DLGAP1: variants seen among roughly 807,000 people sequenced by gnomAD.
DLGAP1 encodes the protein DLG associated protein 1, also known as disks large-associated protein 1.
In DLGAP1, 11 loss-of-function variants were observed where a neutral mutation model predicts 90.8. That is an observed-to-expected ratio of 0.12 (90% CI 0.08 to 0.20). The LOEUF (loss-of-function observed/expected upper bound fraction) is 0.20. DLGAP1 is among the 10% of genes least tolerant of loss of function. The pLI, the probability that DLGAP1 is intolerant of heterozygous loss-of-function variation, is 1.00. For missense variants in DLGAP1, 1,050 were observed against 1,333.8 expected (o/e 0.79, Z 3.31); for synonymous variants, 558 against 540.7 (o/e 1.03, Z -0.44).
Position 3,497,486 on chromosome 18 carries a change from C to T in DLGAP1, c.*1699G>A, listed in dbSNP as rs1194341534. ...ATTCTCTAGTGGTTTTAGAATATGT[C>T]CGTGAAAATATCTGTTGCTAGAACC... On this transcript the variant is annotated 3_prime_UTR_variant, in exon 13 of 13. Transcript: ENST00000315677. 6.6e-6 allele frequency: 1 copy of T among 152,108 alleles called. No homozygotes were observed. Among genetic ancestry groups the T allele is most frequent in the Admixed American group, 6.5e-5 (1 of 15,270 alleles). The allele number at this position is 152,108 out of a possible 1,614,324, so 9.4% of individuals were successfully genotyped here. A position where few individuals can be genotyped will look rare whatever the true frequency, so the allele number is the denominator to read the frequency against.
intron 1 of DLGAP1, among the ~76,000 whole-genome samples, chr18:4,269,354 A>ATTTT (rs202021108): frequency 0.015 from 2,008 of 132,054 alleles, 36 homozygotes; most frequent in East Asian, 0.074. Context: ...ATATATATAT[A>ATTTT]TTTTTTTTTT....
intron 1 of DLGAP1, among the ~76,000 whole-genome samples, chr18:4,409,711 T>A (rs1179890153): frequency 1.3e-5 from 2 of 152,192 alleles, no homozygotes; most frequent in Non-Finnish European, 2.9e-5. Context: ...GATTTGTATA[T>A]CTTCTTTTGG....
chr18:3,923,920 G>C (rs560247349), intron 3 of DLGAP1, among the ~76,000 whole-genome samples: 1 of 152,280 alleles, frequency 6.6e-6, no homozygotes, highest in East Asian at 1.9e-4. Context: ...GATGGTGCTG[G>C]TGTTGAGTCA....
At chr18:3,922,986 T>G (rs2072298392) in intron 3 of DLGAP1, among the ~76,000 whole-genome samples, 1 of 151,830 alleles carries the variant, frequency 6.6e-6, no homozygotes. Context: ...ATATAAAAAT[T>G]AGCTGGGCGT....
intron 2 of DLGAP1, among the ~76,000 whole-genome samples, chr18:4,147,218 C>A (rs946827343): frequency 6.6e-5 from 10 of 152,188 alleles, no homozygotes; most frequent in African/African-American, 2.2e-4. Flanking sequence ...ATGTGATTTG[C>A]TGGTTTCACA....
intron 4 of DLGAP1, among the ~76,000 whole-genome samples, chr18:3,862,560 A>G (rs1339481348): frequency 6.6e-6 from 1 of 152,140 alleles, no homozygotes; most frequent in Non-Finnish European, 1.5e-5. Flanking sequence ...CGTGGAGGGG[A>G]CAGCGCCAGG....
At chr18:3,824,779 T>C (rs1186722253) in intron 4 of DLGAP1, among the ~76,000 whole-genome samples, 1 of 152,220 alleles carries the variant, frequency 6.6e-6, no homozygotes. Flanking sequence ...TTGGACTTTT[T>C]ATTCCAAGCT....
chr18:3,813,255 T>C (rs1161917087), intron 5 of DLGAP1, among the ~76,000 whole-genome samples: 1 of 152,230 alleles, frequency 6.6e-6, no homozygotes, highest in Non-Finnish European at 1.5e-5. Context: ...TTGGATATAT[T>C]TACATAAACA....
At chr18:4,047,657 A>T (rs2075073688) in intron 2 of DLGAP1, among the ~76,000 whole-genome samples, 1 of 152,216 alleles carries the variant, frequency 6.6e-6, no homozygotes, top group Non-Finnish European at 1.5e-5. Context: ...CTCAAGACAC[A>T]TATTATCTTT....
chr18:4,149,910 A>G (rs1328486353), intron 2 of DLGAP1, among the ~76,000 whole-genome samples: 2 of 152,148 alleles, frequency 1.3e-5, no homozygotes, highest in East Asian at 3.9e-4. Flanking sequence ...CTACCCATGC[A>G]TGGCTGGCAC....
intron 5 of DLGAP1, among the ~76,000 whole-genome samples, chr18:3,791,293 C>T (rs1484188670): frequency 1.3e-5 from 2 of 152,174 alleles, no homozygotes; most frequent in Non-Finnish European, 1.5e-5. Context: ...CTTAATATAG[C>T]GTAGCAGTAC....
chr18:4,366,711 A>C (rs1193635287), intron 1 of DLGAP1, among the ~76,000 whole-genome samples: 1 of 152,018 alleles, frequency 6.6e-6, no homozygotes, highest in Non-Finnish European at 1.5e-5. Context: ...CCATGGAAAA[A>C]AAAAAATCTC....
chr18:4,432,612 GT>G (rs2083312946), intron 1 of DLGAP1, among the ~76,000 whole-genome samples: 1 of 151,946 alleles, frequency 6.6e-6, no homozygotes, highest in African/African-American at 2.4e-5. Flanking sequence ...GTGTGTGTGT[GT>G]GTGTGTGTGT....
intron 5 of DLGAP1, among the ~76,000 whole-genome samples, chr18:3,759,524 T>G (rs2063863995): frequency 6.6e-6 from 1 of 152,220 alleles, no homozygotes; most frequent in Non-Finnish European, 1.5e-5. Flanking sequence ...TAGACTCTTG[T>G]GGCACTTGGA....
chr18:3,693,256 T>A (rs1348801918), intron 7 of DLGAP1, among the ~76,000 whole-genome samples: 5 of 144,564 alleles, frequency 3.5e-5, no homozygotes, highest in East Asian at 4.0e-4. Context: ...CTTATTTAAA[T>A]TTTTTTTTTT....
chr18:4,365,965 T>C (rs574713684), intron 1 of DLGAP1, among the ~76,000 whole-genome samples: 1 of 152,134 alleles, frequency 6.6e-6, no homozygotes, highest in South Asian at 2.1e-4. Flanking sequence ...GTCTCACCTC[T>C]TTAGCAAGAT....
chr18:3,653,874 A>G lies in DLGAP1; in HGVS notation c.1592-71626T>C, dbSNP rs117841850. 2.0e-5 allele frequency: 3 copies of G among 152,184 alleles called. No individual in the cohort carries two copies. The highest frequency in any genetic ancestry group is 2.0e-4 in the Admixed American group (3 of 15,280). The allele number at this position is 152,184 out of a possible 1,614,324, so 9.4% of individuals were successfully genotyped here. A position where few individuals can be genotyped will look rare whatever the true frequency, so the allele number is the denominator to read the frequency against. On this transcript the variant is annotated intron_variant, in intron 7 of 12. Coordinates refer to ENST00000315677, the MANE Select transcript of DLGAP1 (RefSeq NM_004746.4). This position sits in a 1 kb window ranked among gnomAD's most constrained non-coding sequence, Gnocchi z 4.6. ...TGCCTTGAATTCATTCTGCAGATGG[A>G]AAGTTGCAAGTACGGTAATTAGCTA...
chr18:3,707,379 C>T (rs2061467619), intron 7 of DLGAP1, among the ~76,000 whole-genome samples: 1 of 152,096 alleles, frequency 6.6e-6, no homozygotes, highest in South Asian at 2.1e-4. Context: ...GGGTGGATCA[C>T]TGGAGGTCAG....
intron 1 of DLGAP1, among the ~76,000 whole-genome samples, chr18:4,301,380 G>A (rs1002230129): frequency 6.6e-6 from 1 of 152,182 alleles, no homozygotes; most frequent in Non-Finnish European, 1.5e-5. Flanking sequence ...GTGAGAATGT[G>A]TAGTATTTGT....
Sources: gnomAD v4.1 joint callset for allele counts (sites outside exome capture counted in the v4.1 genomes callset) on GRCh38, gnomAD v4.1.1 for gene constraint, Gnocchi (gnomAD v3.1) non-coding constraint, MANE v1.5 for transcripts, NCBI Gene and HGNC (gene_info 2026-07-23, HGNC 2026-07-21) for gene names.